SPON1: variants seen among roughly 807,000 people sequenced by gnomAD.
The protein encoded by SPON1 is spondin 1.
SPON1 carries 52 observed loss-of-function variants against 111.7 expected under a neutral mutation model. That is an observed-to-expected ratio of 0.47 (90% CI 0.37 to 0.59). The LOEUF (loss-of-function observed/expected upper bound fraction) is 0.59, where lower values mean the gene tolerates loss of function less well. SPON1 is among the 20% of genes least tolerant of loss of function. SPON1 has a pLI of 0.00. For missense variants in SPON1, 957 were observed against 1,068.5 expected (o/e 0.90, Z 1.46); for synonymous variants, 410 against 395.8 (o/e 1.04, Z -0.43).
intron 6 of SPON1, among the ~76,000 whole-genome samples, chr11:14,167,926 C>G (rs1848049943): frequency 6.6e-6 from 1 of 152,170 alleles, no homozygotes; most frequent in African/African-American, 2.4e-5. Flanking sequence ...TGTCCCATTA[C>G]TCTTTTAGGT....
At chr11:14,003,002 G>A (rs782332575) in intron 2 of SPON1, among the ~76,000 whole-genome samples, 8 of 152,048 alleles carry the variant, frequency 5.3e-5, no homozygotes, top group Non-Finnish European at 1.2e-4. Context: ...CTCTGCTGTT[G>A]TTCACTTCTC....
Position 14,259,499 on chromosome 11 carries a change from A to C in SPON1, c.1664-35A>C, listed in dbSNP as rs1554941677. On this transcript the variant is annotated intron_variant, in intron 12 of 15. Transcript: ENST00000576479. The surrounding 1 kb of genome is among the most constrained non-coding windows in gnomAD (Gnocchi z 5.0). ...AGGCGGGCAAGTAGGTCGGGGAGGC[A>C]GCAGGTGCGACTCCAATGCCGCTGG... The C allele has an allele frequency of 6.4e-7, 1 of 1,570,512 alleles. No homozygotes were observed. The highest frequency in any genetic ancestry group is 8.6e-7 in the Non-Finnish European group (1 of 1,158,048).
In SPON1 at chr11:13,962,811, G is replaced by C; in HGVS notation, c.-94G>C. The C allele has an allele frequency of 1.7e-6, 2 of 1,193,050 alleles. No homozygotes were observed. The highest frequency in any genetic ancestry group is 1.1e-6 in the Non-Finnish European group (1 of 902,936). 73.9% of individuals were successfully genotyped at this position (1,193,050 alleles called of 1,614,324 possible). On this transcript the variant is annotated 5_prime_UTR_variant, in exon 1 of 16. Transcript: ENST00000576479. Reference sequence around the variant, plus strand: ...GCTCCGAGCTCCCTCTCTCCGCCGCGCCTCCGCCAGGTCGCGCCTTCGTCG... The same window carrying C: ...GCTCCGAGCTCCCTCTCTCCGCCGCCCCTCCGCCAGGTCGCGCCTTCGTCG...
chr11:14,043,478 G>A (rs1554917528), intron 3 of SPON1, among the ~76,000 whole-genome samples: 1 of 152,198 alleles, frequency 6.6e-6, no homozygotes, highest in Non-Finnish European at 1.5e-5. Flanking sequence ...GAGACTAGGG[G>A]TCAGAGTACT....
At position 14,181,334 on chromosome 11, in the gene SPON1, T is replaced by C. The variant is rs528323516; in HGVS notation, c.825+45766T>C. ...CTCAGCATTAAACAGCTGGGAGCCC[T>C]TTCTGACAGCTGGGAGCCCTTTCTG... On this transcript the variant is annotated intron_variant, in intron 6 of 15. Coordinates refer to ENST00000576479, the MANE Select transcript of SPON1 (RefSeq NM_006108.4). 1.8e-4 allele frequency among the ~76,000 whole-genome samples: 27 copies of C among 152,192 alleles called. No homozygotes were observed. In the South Asian group the frequency reaches 2.3e-3, roughly 13 times the overall value.
intron 7 of SPON1, among the ~76,000 whole-genome samples, chr11:14,246,013 G>T (rs1468037940): frequency 6.6e-6 from 1 of 152,232 alleles, no homozygotes; most frequent in East Asian, 1.9e-4. Context: ...TGTCTCTTCA[G>T]ATTCTCCCAG....
chr11:14,256,634 T>C lies in SPON1; in HGVS notation c.1251T>C (p.Ile417=). 2 of 1,613,682 alleles carry C rather than the reference T, an allele frequency of 1.2e-6. No individual in the cohort carries two copies. The highest frequency in any genetic ancestry group is 2.7e-5 in the African/African-American group (2 of 75,060). The change falls in exon 10 of 16, where the codon ATT becomes ATC. Residue 417 remains isoleucine, a synonymous_variant. Transcript: ENST00000576479. Reference sequence around the variant, plus strand: ...TTTTTCAGGGTGAACAATGCAATATTGTACCTGACAATGTCGATGATATTG... The same window carrying C: ...TTTTTCAGGGTGAACAATGCAATATCGTACCTGACAATGTCGATGATATTG... ...RIARKGEQCN[I]VPDNVDDIVA... is the part of the protein sequence containing the mutation.
chr11:14,197,244 T>C (rs1030485481), intron 6 of SPON1, among the ~76,000 whole-genome samples: 3 of 152,202 alleles, frequency 2.0e-5, no homozygotes, highest in Non-Finnish European at 4.4e-5. Context: ...TTTCTCCAGC[T>C]GTCAGTTCAA....
chr11:14,098,529 G>C (rs1167822659), intron 5 of SPON1, among the ~76,000 whole-genome samples: 1 of 152,110 alleles, frequency 6.6e-6, no homozygotes, highest in African/African-American at 2.4e-5. Flanking sequence ...TCTTGCCTTA[G>C]CCTCATAGGA....
At chr11:14,074,102 T>C (rs1478773568) in intron 3 of SPON1, among the ~76,000 whole-genome samples, 5 of 152,256 alleles carry the variant, frequency 3.3e-5, no homozygotes, top group African/African-American at 1.2e-4. Flanking sequence ...ACTGTTATTC[T>C]CTTGGCCTGA....
intron 2 of SPON1, among the ~76,000 whole-genome samples, chr11:13,997,123 G>A (rs1848279256): frequency 6.6e-6 from 1 of 152,188 alleles, no homozygotes; most frequent in Non-Finnish European, 1.5e-5. Flanking sequence ...TCACATGTAT[G>A]TATGCACACA....
chr11:14,024,554 G>C (rs1193287974), intron 2 of SPON1, among the ~76,000 whole-genome samples: 1 of 152,140 alleles, frequency 6.6e-6, no homozygotes, highest in East Asian at 1.9e-4. Context: ...CACCATCGCT[G>C]GTCTGCCAGT....
At chr11:14,238,665 C>A (rs1183024134) in intron 6 of SPON1, among the ~76,000 whole-genome samples, 2 of 152,180 alleles carry the variant, frequency 1.3e-5, no homozygotes, top group Non-Finnish European at 2.9e-5. Flanking sequence ...GAACCCGCTT[C>A]CCTCCAGACC....
chr11:14,109,022 T>G (rs781829717), intron 5 of SPON1, among the ~76,000 whole-genome samples: 4 of 152,144 alleles, frequency 2.6e-5, no homozygotes, highest in Non-Finnish European at 4.4e-5. Context: ...GGCAGCTCCT[T>G]CTCTTTCTGC....
chr11:14,196,262 T>C (rs893139919), intron 6 of SPON1, among the ~76,000 whole-genome samples: 1 of 152,098 alleles, frequency 6.6e-6, no homozygotes, highest in Non-Finnish European at 1.5e-5. Flanking sequence ...ACGTCCAGCA[T>C]AGAGAAATCT....
At chr11:13,995,930 G>T (rs1387420023) in intron 2 of SPON1, among the ~76,000 whole-genome samples, 8 of 152,196 alleles carry the variant, frequency 5.3e-5, no homozygotes, top group African/African-American at 1.9e-4. Flanking sequence ...ACAATCATTT[G>T]CAGAAAGTGG....
At chr11:14,173,893 T>C (rs10458873) in intron 6 of SPON1, among the ~76,000 whole-genome samples, 129,524 of 152,116 alleles carry the variant, frequency 0.85, 55,461 homozygotes, top group African/African-American at 0.95. Context: ...AGGTGTCAGT[T>C]CACCCCGTAG....
At chr11:14,068,194 T>G (rs1528646) in intron 3 of SPON1, among the ~76,000 whole-genome samples, 39,439 of 152,098 alleles carry the variant, frequency 0.26, 6,137 homozygotes, top group South Asian at 0.42. Context: ...TATTGACAAG[T>G]TATATGATGA....
intron 3 of SPON1, among the ~76,000 whole-genome samples, chr11:14,072,665 A>G (rs1420109366): frequency 6.6e-6 from 1 of 152,186 alleles, no homozygotes; most frequent in Non-Finnish European, 1.5e-5. Context: ...AGACCCTTGA[A>G]TATTATAAGT....
Sources: gnomAD v4.1 joint callset for allele counts (sites outside exome capture counted in the v4.1 genomes callset) on GRCh38, gnomAD v4.1.1 for gene constraint, Gnocchi (gnomAD v3.1) non-coding constraint, MANE v1.5 for transcripts, NCBI Gene and HGNC (gene_info 2026-07-23, HGNC 2026-07-21) for gene names.